The following PTPRD variants were observed in gnomAD, a reference collection of about 807,000 sequenced individuals.
PTPRD encodes the protein protein tyrosine phosphatase receptor type D, also known as receptor-type tyrosine-protein phosphatase delta.
In PTPRD, 34 loss-of-function variants were observed where a neutral mutation model predicts 214.5. That is an observed-to-expected ratio of 0.16 (90% CI 0.12 to 0.21). The LOEUF (loss-of-function observed/expected upper bound fraction) is 0.21, where lower values mean the gene tolerates loss of function less well. Among genes scored for constraint, PTPRD ranks in the 10% least tolerant of loss-of-function variants. The pLI is 1.00. For synonymous variants in PTPRD, 1,128 were observed against 845.7 expected (o/e 1.33, Z -5.79); for missense variants, 2,545 against 2,398.7 (o/e 1.06, Z -1.27).
At chr9:10,551,198 G>T (rs1481797863) in intron 2 of PTPRD, among the ~76,000 whole-genome samples, 1 of 152,066 alleles carries the variant, frequency 6.6e-6, no homozygotes, top group African/African-American at 2.4e-5. Flanking sequence ...AAGTAGCCAT[G>T]TATCATGTCA....
chr9:10,523,601 G>GTATATGTATATATATATATATATA (rs2053142299), intron 2 of PTPRD, among the ~76,000 whole-genome samples: 1 of 64,336 alleles, frequency 1.6e-5, no homozygotes, highest in East Asian at 5.7e-4. Flanking sequence ...ATATTTATCT[G>GTATATGTATATATATATATATATA]TATATATATA....
At chr9:10,195,172 C>A (rs2099392933) in intron 3 of PTPRD, among the ~76,000 whole-genome samples, 2 of 143,706 alleles carry the variant, frequency 1.4e-5, no homozygotes, top group South Asian at 2.2e-4. Context: ...CTGGTCTTGA[C>A]CTTTCAACAA....
intron 9 of PTPRD, among the ~76,000 whole-genome samples, chr9:9,361,876 T>C (rs2056291056): frequency 6.6e-6 from 1 of 151,068 alleles, no homozygotes; most frequent in South Asian, 2.1e-4. Flanking sequence ...AGAAAACTTC[T>C]AGAAATGGGC....
chr9:8,960,844 T>C (rs1396655105), intron 11 of PTPRD, among the ~76,000 whole-genome samples: 1 of 152,112 alleles, frequency 6.6e-6, no homozygotes, highest in African/African-American at 2.4e-5. Flanking sequence ...CATTGTTGGG[T>C]TATTAAATGA....
intron 5 of PTPRD, among the ~76,000 whole-genome samples, chr9:9,801,782 A>T (rs2099041874): frequency 6.6e-6 from 1 of 152,098 alleles, no homozygotes; most frequent in South Asian, 2.1e-4. Context: ...GCCTCTTAAG[A>T]AATTGACAAG....
At chr9:10,517,544 T>G (rs548579308) in intron 2 of PTPRD, among the ~76,000 whole-genome samples, 4 of 152,126 alleles carry the variant, frequency 2.6e-5, no homozygotes, top group African/African-American at 7.2e-5. Flanking sequence ...GTTTTCAGAT[T>G]AGGAGAAGAG....
chr9:8,428,376 A>T lies in PTPRD; in HGVS notation c.4086+8216T>A, dbSNP rs144061192. Among the ~76,000 whole-genome samples, 231 of 152,328 alleles carry T rather than the reference A, an allele frequency of 1.5e-3. 1 individual carries two copies. The East Asian group carries it at 0.017, about 11-fold the overall frequency. On this transcript the variant is annotated intron_variant, in intron 35 of 45. Transcript: ENST00000381196. ...CTCAATTTCATCCATCCCAGGTACAAAAATGTTGTTACTGCTTTTTATTTC... is the reference window on the plus strand; with the variant it reads ...CTCAATTTCATCCATCCCAGGTACATAAATGTTGTTACTGCTTTTTATTTC...
intron 8 of PTPRD, among the ~76,000 whole-genome samples, chr9:9,524,186 G>A (rs1304015518): frequency 6.6e-6 from 1 of 152,174 alleles, no homozygotes; most frequent in Non-Finnish European, 1.5e-5. Flanking sequence ...TTCTGGAGGT[G>A]AGTATGGGAG....
intron 4 of PTPRD, among the ~76,000 whole-genome samples, chr9:10,009,381 G>T (rs912467934): frequency 6.6e-6 from 1 of 151,956 alleles, no homozygotes; most frequent in Non-Finnish European, 1.5e-5. Flanking sequence ...TACCTGTAGG[G>T]TGTGCACGGG....
intron 11 of PTPRD, among the ~76,000 whole-genome samples, chr9:9,001,882 C>A (rs2099420750): frequency 6.6e-6 from 1 of 151,402 alleles, no homozygotes; most frequent in African/African-American, 2.4e-5. Context: ...CTTCCTATTT[C>A]TTTCAGAATT....
chr9:9,251,005 T>G (rs1339244321), intron 9 of PTPRD, among the ~76,000 whole-genome samples: 3 of 152,066 alleles, frequency 2.0e-5, no homozygotes, highest in Non-Finnish European at 4.4e-5. Context: ...ACATTTGAAA[T>G]TGACCCTCTT....
chr9:10,602,190 G>GTCT (rs2078153457), intron 2 of PTPRD, among the ~76,000 whole-genome samples: 1 of 151,750 alleles, frequency 6.6e-6, no homozygotes, highest in Non-Finnish European at 1.5e-5. Flanking sequence ...CCTGACAAAT[G>GTCT]TATACCTGAG....
At chr9:9,740,671 C>A (rs548638799) in intron 6 of PTPRD, among the ~76,000 whole-genome samples, 2 of 152,180 alleles carry the variant, frequency 1.3e-5, no homozygotes, top group Admixed American at 1.3e-4. Flanking sequence ...GCCTCTAAGA[C>A]CACTTTTCTT....
intron 8 of PTPRD, among the ~76,000 whole-genome samples, chr9:9,571,314 C>T (rs549234386): frequency 6.6e-6 from 1 of 151,462 alleles, no homozygotes; most frequent in South Asian, 2.1e-4. Context: ...GTCTCTCTCT[C>T]TCTTCTCTCT....
chr9:10,289,550 T>G (rs1032444613), intron 3 of PTPRD, among the ~76,000 whole-genome samples: 1 of 152,132 alleles, frequency 6.6e-6, no homozygotes, highest in Non-Finnish European at 1.5e-5. Flanking sequence ...CCTGGTAGGT[T>G]GCTTCCCCTA....
chr9:10,265,983 G>A (rs2094026119), intron 3 of PTPRD, among the ~76,000 whole-genome samples: 1 of 152,112 alleles, frequency 6.6e-6, no homozygotes, highest in Admixed American at 6.6e-5. Flanking sequence ...TTCAATGCAA[G>A]TGATCATGTA....
chr9:9,241,103 GAATT>G (rs1474473815), intron 9 of PTPRD, among the ~76,000 whole-genome samples: 3 of 152,070 alleles, frequency 2.0e-5, no homozygotes, highest in Admixed American at 1.3e-4. Flanking sequence ...AACAGAGTAA[GAATT>G]AATTCGTGGG....
At chr9:10,372,585 G>C (rs1334464309) in intron 2 of PTPRD, among the ~76,000 whole-genome samples, 2 of 151,874 alleles carry the variant, frequency 1.3e-5, no homozygotes, top group Non-Finnish European at 2.9e-5. Context: ...CCTTTGCATT[G>C]CTGCCTTTCC....
chr9:10,522,953 T>C (rs1021769480), intron 2 of PTPRD, among the ~76,000 whole-genome samples: 2 of 152,062 alleles, frequency 1.3e-5, no homozygotes, highest in Non-Finnish European at 2.9e-5. Context: ...TTTATTAATG[T>C]TCTGTGAGGG....
Sources: gnomAD v4.1 joint callset for allele counts (sites outside exome capture counted in the v4.1 genomes callset) on GRCh38, gnomAD v4.1.1 for gene constraint, MANE v1.5 for transcripts, NCBI Gene and HGNC (gene_info 2026-07-23, HGNC 2026-07-21) for gene names.